Variants in PHACTR3 observed in about 807,000 individuals in gnomAD.
The protein encoded by PHACTR3 is protein phosphatase 1, regulatory subunit 123.
A neutral mutation model predicts 66.8 loss-of-function variants in PHACTR3; 16 were observed. That is an observed-to-expected ratio of 0.24 (90% CI 0.16 to 0.36). The LOEUF is 0.36. Ranked by LOEUF, PHACTR3 falls within the 10% of genes least tolerant of loss-of-function variation. The pLI, the probability that PHACTR3 is intolerant of heterozygous loss-of-function variation, is 1.00. For synonymous variants in PHACTR3, 323 were observed against 292.1 expected, an observed-to-expected ratio of 1.11 and a Z score of -1.08; for missense variants, 647 against 719.9, an observed-to-expected ratio of 0.90 and a Z score of 1.16.
intron 1 of PHACTR3, among the ~76,000 whole-genome samples, chr20:59,633,189 G>A (rs1276314527): frequency 3.3e-5 from 5 of 152,180 alleles, no homozygotes; most frequent in African/African-American, 7.2e-5. Context: ...ATTCTATAAA[G>A]ACATATGCAT....
chr20:59,669,100 C>A (rs2036103016), intron 1 of PHACTR3, among the ~76,000 whole-genome samples: 1 of 152,048 alleles, frequency 6.6e-6, no homozygotes, highest in Non-Finnish European at 1.5e-5. Context: ...CTGCCTCTGC[C>A]ATTTGCATGC....
intron 1 of PHACTR3, among the ~76,000 whole-genome samples, chr20:59,674,136 C>T (rs1481928307): frequency 1.4e-5 from 2 of 142,954 alleles, no homozygotes; most frequent in African/African-American, 5.8e-5. Context: ...GGCTGGTTCC[C>T]TCCCACCTCC....
intron 1 of PHACTR3, among the ~76,000 whole-genome samples, chr20:59,716,398 G>A (rs1443424316): frequency 6.6e-6 from 1 of 151,964 alleles, no homozygotes; most frequent in Non-Finnish European, 1.5e-5. Flanking sequence ...AATTATAGGT[G>A]TGTGCCACCA....
chr20:59,674,310 C>CG (rs2036299222), intron 1 of PHACTR3, among the ~76,000 whole-genome samples: 1 of 145,974 alleles, frequency 6.9e-6, no homozygotes. Flanking sequence ...AGTGCTGGGG[C>CG]GGGGGGCATG....
intron 1 of PHACTR3, among the ~76,000 whole-genome samples, chr20:59,606,639 AG>A (rs1214461480): frequency 4.6e-5 from 7 of 152,172 alleles, no homozygotes; most frequent in African/African-American, 1.7e-4. Flanking sequence ...AATCCTTCTA[AG>A]CTCCCTTTGT....
intron 1 of PHACTR3, among the ~76,000 whole-genome samples, chr20:59,660,410 C>T (rs1053668038): frequency 4.6e-5 from 7 of 152,196 alleles, no homozygotes; most frequent in East Asian, 1.9e-4. Flanking sequence ...AGGAGAATGG[C>T]GTGAATCCGG....
chr20:59,700,043 G>T (rs2037441161), intron 1 of PHACTR3, among the ~76,000 whole-genome samples: 1 of 152,222 alleles, frequency 6.6e-6, no homozygotes, highest in South Asian at 2.1e-4. Flanking sequence ...CTCCTTCCCT[G>T]AGGCAACCAC....
rs554606336 is a variant in PHACTR3 at position 59,660,451 on chromosome 20, G to A, written c.118+55319G>A. Reference sequence around the variant, plus strand: ...GGAGCTTGCAGTGAGCCGAGATTGCGCCACTGCACTCCAGCCTGGGGGACA... The same window carrying A: ...GGAGCTTGCAGTGAGCCGAGATTGCACCACTGCACTCCAGCCTGGGGGACA... On this transcript the variant is annotated intron_variant, in intron 1 of 12. Coordinates refer to ENST00000371015, the MANE Select transcript of PHACTR3 (RefSeq NM_080672.5). Among the ~76,000 whole-genome samples the A allele has an allele frequency of 1.7e-3, 258 of 152,320 alleles. 2 individuals carry two copies. The highest frequency in any genetic ancestry group is 0.01 in the Middle Eastern group (3 of 294).
chr20:59,581,779 G>A (rs761070418), intron 1 of PHACTR3, among the ~76,000 whole-genome samples: 1 of 152,056 alleles, frequency 6.6e-6, no homozygotes, highest in Non-Finnish European at 1.5e-5. Context: ...TACTTGGGAG[G>A]CTGAGGCAGG....
chr20:59,718,268 G>T (rs2038168971), intron 1 of PHACTR3, among the ~76,000 whole-genome samples: 1 of 152,180 alleles, frequency 6.6e-6, no homozygotes, highest in Non-Finnish European at 1.5e-5. Flanking sequence ...AGAGCCACCA[G>T]TTCCTCTCCT....
At chr20:59,763,695 G>A (rs2146854639) in intron 4 of PHACTR3, among the ~76,000 whole-genome samples, 1 of 152,326 alleles carries the variant, frequency 6.6e-6, no homozygotes, top group East Asian at 1.9e-4. Context: ...CTGTGAGAAG[G>A]TTAGACAGGG....
intron 1 of PHACTR3, among the ~76,000 whole-genome samples, chr20:59,672,412 C>T (rs2047263715): frequency 6.6e-6 from 1 of 152,194 alleles, no homozygotes; most frequent in African/African-American, 2.4e-5. Flanking sequence ...AACGCCATGG[C>T]CTGCATGTAG....
intron 1 of PHACTR3, among the ~76,000 whole-genome samples, chr20:59,633,188 A>T (rs2034727213): frequency 6.6e-6 from 1 of 152,222 alleles, no homozygotes; most frequent in Non-Finnish European, 1.5e-5. Flanking sequence ...CATTCTATAA[A>T]GACATATGCA....
At chr20:59,801,122 T>G (rs1358774990) in intron 7 of PHACTR3, among the ~76,000 whole-genome samples, 1 of 152,158 alleles carries the variant, frequency 6.6e-6, no homozygotes, top group African/African-American at 2.4e-5. Flanking sequence ...TGCAACTCTC[T>G]CCTCTCCAGG....
intron 1 of PHACTR3, among the ~76,000 whole-genome samples, chr20:59,581,388 C>T (rs1458796420): frequency 6.6e-6 from 1 of 152,206 alleles, no homozygotes; most frequent in Non-Finnish European, 1.5e-5. Flanking sequence ...AGCCAAGCAC[C>T]TCCCCACAGC....
chr20:59,627,157 T>C (rs2146381299), intron 1 of PHACTR3, among the ~76,000 whole-genome samples: 1 of 152,306 alleles, frequency 6.6e-6, no homozygotes, highest in Middle Eastern at 3.4e-3. Flanking sequence ...ATCCCAGGCA[T>C]GCATCCTTTA....
At chr20:59,630,306 C>T (rs879263324) in intron 1 of PHACTR3, among the ~76,000 whole-genome samples, 1 of 152,046 alleles carries the variant, frequency 6.6e-6, no homozygotes, top group Non-Finnish European at 1.5e-5. Context: ...CCTCAGCCTC[C>T]CGAGTAGCTG....
intron 1 of PHACTR3, among the ~76,000 whole-genome samples, chr20:59,686,871 T>TGTGATGATGGTG (rs2036906244): frequency 4.4e-5 from 3 of 67,910 alleles, no homozygotes; most frequent in African/African-American, 1.7e-4. Context: ...TGGTGGTGAT[T>TGTGATGATGGTG]GTGATGATGG....
chr20:59,725,750 A>T (rs962089476), intron 1 of PHACTR3, among the ~76,000 whole-genome samples: 3 of 152,134 alleles, frequency 2.0e-5, no homozygotes, highest in Non-Finnish European at 2.9e-5. Flanking sequence ...TGAGTGTGTC[A>T]GAGTTTGTCT....
Sources: allele counts gnomAD v4.1 joint callset (sites outside exome capture counted in the v4.1 genomes callset), GRCh38; gene constraint gnomAD v4.1.1; transcripts MANE v1.5; gene names NCBI Gene and HGNC (gene_info 2026-07-23, HGNC 2026-07-21).